CHAT: variants seen among roughly 807,000 people sequenced by gnomAD.
CHAT encodes the protein acetyl CoA:choline O-acetyltransferase.
CHAT carries 61 observed loss-of-function variants against 76.9 expected under a neutral mutation model. That is an observed-to-expected ratio of 0.79 (90% CI 0.65 to 0.98). The LOEUF is 0.98. CHAT is among the 50% of genes least tolerant of loss of function. CHAT has a pLI of 0.00. For synonymous variants in CHAT, 407 were observed against 397.4 expected (o/e 1.02, Z -0.29); for missense variants, 946 against 986.9 (o/e 0.96, Z 0.56).
upstream of CHAT, chr10:49,610,934 G>A (rs1249437225): frequency 6.2e-7 from 1 of 1,610,432 alleles, no homozygotes; most frequent in Admixed American, 1.7e-5. Context: ...GCCCACATGC[G>A]CGGGGGCGGC....
Position 49,624,432 on chromosome 10 carries a change from A to G in CHAT, c.753-1041A>G, listed in dbSNP as rs555647761. 1.8e-4 allele frequency among the ~76,000 whole-genome samples: 28 copies of G among 152,290 alleles called. No homozygotes were observed. In the East Asian group the frequency reaches 4.8e-3, roughly 26 times the overall value. On this transcript the variant is annotated intron_variant, in intron 5 of 14. Transcript: ENST00000337653. ...ACTTTGAGTTGCAGTGCTTTGGGACACTTCACCCTTAGGGCTCAGCTCAAT... is the reference window on the plus strand; with the variant it reads ...ACTTTGAGTTGCAGTGCTTTGGGACGCTTCACCCTTAGGGCTCAGCTCAAT...
intron 6 of CHAT, among the ~76,000 whole-genome samples, chr10:49,626,870 T>A (rs917948922): frequency 2.0e-5 from 3 of 152,218 alleles, no homozygotes; most frequent in African/African-American, 4.8e-5. Flanking sequence ...AGGGCTGACA[T>A]ACAAAGCACA....
intron 7 of CHAT, among the ~76,000 whole-genome samples, chr10:49,637,920 T>C (rs1343876167): frequency 6.6e-6 from 1 of 152,218 alleles, no homozygotes; most frequent in Non-Finnish European, 1.5e-5. Flanking sequence ...CTGGGTATAG[T>C]CTATCTTGGC....
intron 1 of CHAT, 120 bp from the exon 2 acceptor site, chr10:49,616,382 C>A: frequency 1.3e-6 from 1 of 799,530 alleles, no homozygotes; most frequent in Non-Finnish European, 2.2e-6. Context: ...CCCCTATACA[C>A]AGCTGTCAGG....
At chr10:49,649,100 T>C (rs138325151) in intron 9 of CHAT, among the ~76,000 whole-genome samples, 43 of 152,316 alleles carry the variant, frequency 2.8e-4, no homozygotes, top group Middle Eastern at 3.4e-3. Flanking sequence ...ATCTTCTCCC[T>C]GCATCCAAGT....
In CHAT at chr10:49,648,139, G is replaced by T. The variant is rs1473970377; in HGVS notation, c.1282-368G>T. The T allele has an allele frequency of 1.4e-5, 5 of 346,428 alleles. No individual in the cohort carries two copies. The East Asian group carries it at 2.8e-4, about 19-fold the overall frequency. 21.5% of individuals were successfully genotyped at this position (346,428 alleles called of 1,614,324 possible). On this transcript the variant is annotated intron_variant, in intron 8 of 14. Coordinates refer to ENST00000337653, the MANE Select transcript of CHAT (RefSeq NM_020549.5). ...CACACAAGGCAAGAGATTGGGAGGA[G>T]ACCCCGATGTGAGCTATGACAGGAA...
chr10:49,621,585 T>C (rs973443353), intron 4 of CHAT, among the ~76,000 whole-genome samples: 2 of 152,112 alleles, frequency 1.3e-5, no homozygotes, highest in African/African-American at 4.8e-5. Flanking sequence ...TTACTGGCTT[T>C]TCCCAGGAGA....
chr10:49,627,475 A>G (rs1435649504), intron 6 of CHAT, 133 bp from the exon 7 acceptor site: 1 of 924,854 alleles, frequency 1.1e-6, no homozygotes, highest in African/African-American at 1.6e-5. Flanking sequence ...CTAAACTGAG[A>G]CTAGAACCAC....
At chr10:49,610,662 G>T (rs1402182110), upstream of CHAT, 5 of 1,376,256 alleles carry the variant, frequency 3.6e-6, no homozygotes, top group Non-Finnish European at 4.7e-6. Flanking sequence ...CCGAAGTCCC[G>T]TGCCCTCGCC....
chr10:49,620,711 G>A lies in CHAT; in HGVS notation c.698+98G>A, dbSNP rs150939879. The A allele has an allele frequency of 4.5e-5, 43 of 961,392 alleles. 1 individual carries two copies. Among genetic ancestry groups the A allele is most frequent in the East Asian group, 2.0e-4 (8 of 40,078 alleles). The allele number at this position is 961,392 out of a possible 1,614,324, so 59.6% of individuals were successfully genotyped here. A position where few individuals can be genotyped will look rare whatever the true frequency, so the allele number is the denominator to read the frequency against. On this transcript the variant is annotated intron_variant, in intron 4 of 14. Coordinates refer to ENST00000337653, the MANE Select transcript of CHAT (RefSeq NM_020549.5). The stretch of plus-strand genomic sequence containing the variant: ...AAAGAAAGGCCAAAGCTGGAGCCTC[G>A]GCTGAGCTTCCTGGGGTCAAATGCC...
At position 49,616,079 on chromosome 10, in the gene CHAT, A is replaced by T. The variant is rs1421380414; in HGVS notation, c.287-423A>T. ...TGTGGCCGGAATGCAGAGATGAAGC[A>T]CTGAGCACAGTAGGTATGGTCTTAC... On this transcript the variant is annotated intron_variant, in intron 1 of 14. Coordinates refer to ENST00000337653, the MANE Select transcript of CHAT (RefSeq NM_020549.5). The T allele has an allele frequency of 1.9e-6, 3 of 1,613,726 alleles. No homozygotes were observed. In the South Asian group the frequency reaches 3.3e-5, roughly 18 times the overall value.
chr10:49,611,563 A>G (rs745648748), upstream of CHAT: 3 of 1,606,276 alleles, frequency 1.9e-6, no homozygotes, highest in Non-Finnish European at 2.5e-6. Flanking sequence ...GGCTCGGGCC[A>G]ACCTGCCAGT....
intron 6 of CHAT, among the ~76,000 whole-genome samples, chr10:49,626,889 T>C (rs971142552): frequency 5.9e-5 from 9 of 152,258 alleles, no homozygotes; most frequent in African/African-American, 2.2e-4. Context: ...CATGTAGGTA[T>C]ACATGTGAAG....
At chr10:49,615,946 C>A in intron 1 of CHAT, 2 of 1,287,706 alleles carry the variant, frequency 1.6e-6, no homozygotes, top group Non-Finnish European at 2.2e-6. Flanking sequence ...CCAATTAGCC[C>A]AGATGCATCC....
chr10:49,611,728 G>T, upstream of CHAT: 2 of 1,606,050 alleles, frequency 1.2e-6, no homozygotes, highest in Non-Finnish European at 1.7e-6. Flanking sequence ...GATGGGCATG[G>T]CCTGGCTGCC....
chr10:49,610,225 G>A (rs1838252903), upstream of CHAT: 1 of 152,410 alleles, frequency 6.6e-6, no homozygotes, highest in Non-Finnish European at 1.5e-5. Flanking sequence ...GACGTAAGTG[G>A]CCCGGGCACC....
chr10:49,632,869 G>A (rs185210562), intron 7 of CHAT, among the ~76,000 whole-genome samples: 1 of 152,226 alleles, frequency 6.6e-6, no homozygotes, highest in Non-Finnish European at 1.5e-5. Flanking sequence ...CAGCCCACGC[G>A]CAGGGGAGCA....
rs1186236190 is a variant in CHAT, at chr10:49,614,485, AGGGCT to A, written c.286+23_286+27del. 1 of 1,476,270 alleles carries A rather than the reference AGGGCT, an allele frequency of 6.8e-7. No homozygotes were observed. Among genetic ancestry groups the A allele is most frequent in the Non-Finnish European group, 9.0e-7 (1 of 1,105,032 alleles). The allele number at this position is 1,476,270 out of a possible 1,614,324, so 91.4% of individuals were successfully genotyped here. Reference sequence around the variant, plus strand: ...GAGCCGAGGAGAGCAGGTGAGAAGAAGGGCTGGGCTGGGCTGGCGGAGCGCGGTGC... The same window carrying A: ...GAGCCGAGGAGAGCAGGTGAGAAGAAGGGCTGGGCTGGCGGAGCGCGGTGC... On this transcript the variant is annotated intron_variant, in intron 1 of 14. Coordinates refer to ENST00000337653, the MANE Select transcript of CHAT (RefSeq NM_020549.5).
chr10:49,615,671 AG>A (rs1838463773), intron 1 of CHAT: 1 of 277,220 alleles, frequency 3.6e-6, no homozygotes, highest in East Asian at 7.1e-5. Context: ...GGGATCTCAG[AG>A]GGTAGCAATT....
Sources: gnomAD v4.1 joint callset for allele counts (sites outside exome capture counted in the v4.1 genomes callset) on GRCh38, gnomAD v4.1.1 for gene constraint, MANE v1.5 for transcripts, NCBI Gene and HGNC (gene_info 2026-07-23, HGNC 2026-07-21) for gene names.